DPYSL2: variants seen among roughly 807,000 people sequenced by gnomAD.
The protein encoded by DPYSL2 is dihydropyrimidinase-related protein 2.
A neutral mutation model predicts 69.9 loss-of-function variants in DPYSL2; 13 were observed. The ratio of observed to expected loss-of-function variants is 0.19; its 90% CI spans 0.12 to 0.30. The LOEUF (loss-of-function observed/expected upper bound fraction) is 0.30. Among genes scored for constraint, DPYSL2 ranks in the 10% least tolerant of loss-of-function variants. The pLI, the probability that DPYSL2 is intolerant of heterozygous loss-of-function variation, is 1.00. For synonymous variants in DPYSL2, 326 were observed against 359.1 expected (o/e 0.91, Z 1.04); for missense variants, 587 against 918.9 (o/e 0.64, Z 4.67).
chr8:26,524,835 A>AAAAAAAAAAAAAAAAG (rs1563374151), intron 1 of DPYSL2, among the ~76,000 whole-genome samples: 4 of 74,222 alleles, frequency 5.4e-5, no homozygotes, highest in Non-Finnish European at 8.1e-5. Context: ...AAAAAAAAAA[A>AAAAAAAAAAAAAAAAG]AGAGAGAGAA....
rs569072355 is a variant in DPYSL2, at chr8:26,627,788, G to A, written c.937-84G>A. The A allele has an allele frequency of 1.0e-5, 14 of 1,396,506 alleles. No homozygotes were observed. In the South Asian group the frequency reaches 1.7e-4, roughly 17 times the overall value. 86.5% of individuals were successfully genotyped at this position (1,396,506 alleles called of 1,614,324 possible). On this transcript the variant is annotated intron_variant, in intron 6 of 13. Transcript: ENST00000521913. The surrounding 1 kb of genome is among the most constrained non-coding windows in gnomAD (Gnocchi z 6.9). The stretch of plus-strand genomic sequence containing the variant: ...CAGTGGTAATTTTCCATCTTGCCCG[G>A]ATAACTGCATGCCCGGGCCTCTGCC...
chr8:26,555,746 G>A (rs889833371), intron 1 of DPYSL2, among the ~76,000 whole-genome samples: 1 of 150,792 alleles, frequency 6.6e-6, no homozygotes, highest in African/African-American at 2.4e-5. Flanking sequence ...AATTAGCTTG[G>A]TTGGGGGGCG....
chr8:26,527,803 C>CTT (rs1563375173), intron 1 of DPYSL2, among the ~76,000 whole-genome samples: 1 of 96,670 alleles, frequency 1.0e-5, no homozygotes, highest in Admixed American at 1.4e-4. Flanking sequence ...ATTTGTTTAT[C>CTT]CTTTTTTTTT....
chr8:26,622,448 A>ATG (rs10606826), intron 3 of DPYSL2, among the ~76,000 whole-genome samples: 1,481 of 142,714 alleles, frequency 0.01, 10 homozygotes, highest in Middle Eastern at 0.045. Context: ...GCCATATTGT[A>ATG]TGTGTGTGTG....
At position 26,648,156 on chromosome 8, in the gene DPYSL2, C is replaced by T. The variant is rs1453948559; in HGVS notation, c.1596+356C>T. On this transcript the variant is annotated intron_variant, in intron 11 of 13. Transcript: ENST00000521913. This position sits in a 1 kb window ranked among gnomAD's most constrained non-coding sequence, Gnocchi z 4.3. ...TGGCAGTACTTGGTGCAAGGGACCT[C>T]AATGAAGCAGTGAGATGTCCTCTCC... 2.0e-5 allele frequency among the ~76,000 whole-genome samples: 3 copies of T among 152,138 alleles called. No individual in the cohort carries two copies. Among genetic ancestry groups the T allele is most frequent in the Non-Finnish European group, 4.4e-5 (3 of 68,040 alleles).
In DPYSL2 at chr8:26,556,338, AG is replaced by A. The variant is rs1222459792; in HGVS notation, c.355-25630del. 4.7e-3 allele frequency among the ~76,000 whole-genome samples: 106 copies of A among 22,526 alleles called. 9 individuals carry two copies. The highest frequency in any genetic ancestry group is 0.019 in the East Asian group (3 of 154). 14.8% of individuals were successfully genotyped at this position (22,526 alleles called of 152,430 possible). On this transcript the variant is annotated intron_variant, in intron 1 of 13. Transcript: ENST00000521913. The stretch of plus-strand genomic sequence containing the variant: ...TATACTATATATATAGTATATATAT[AG>A]TATATATATATAGTATATATATATA...
At chr8:26,557,216 A>T (rs1363264623) in intron 1 of DPYSL2, among the ~76,000 whole-genome samples, 2 of 152,182 alleles carry the variant, frequency 1.3e-5, no homozygotes, top group African/African-American at 4.8e-5. Context: ...AAAGTAAAAA[A>T]CTTCTGCTCT....
At chr8:26,569,853 G>A (rs186836719) in intron 1 of DPYSL2, among the ~76,000 whole-genome samples, 2 of 152,230 alleles carry the variant, frequency 1.3e-5, no homozygotes, top group East Asian at 3.9e-4. Flanking sequence ...GGACATCAGT[G>A]TGCTATGGCA....
In DPYSL2 at chr8:26,580,780, A is replaced by G. The variant is rs1409221832; in HGVS notation, c.355-1189A>G. 6.6e-6 allele frequency among the ~76,000 whole-genome samples: 1 copy of G among 152,344 alleles called. No individual in the cohort carries two copies. The highest frequency in any genetic ancestry group is 2.1e-4 in the South Asian group (1 of 4,828). ...AATGTCATTCTTTGAAATGTGTTGC[A>G]TATTAAAAGGGCAATGTATGGTTCA... On this transcript the variant is annotated intron_variant, in intron 1 of 13. Coordinates refer to ENST00000521913, the MANE Select transcript of DPYSL2 (RefSeq NM_001197293.3). This position sits in a 1 kb window ranked among gnomAD's most constrained non-coding sequence, Gnocchi z 4.1.
Position 26,516,850 on chromosome 8 carries a change from A to G in DPYSL2, c.354+2171A>G, listed in dbSNP as rs1808298125. 6.6e-6 allele frequency among the ~76,000 whole-genome samples: 1 copy of G among 152,134 alleles called. No individual in the cohort carries two copies. Among genetic ancestry groups the G allele is most frequent in the Non-Finnish European group, 1.5e-5 (1 of 68,032 alleles). Reference sequence around the variant, plus strand: ...TTCACGACTAAGAGCATTTACCTGGATCAGTACTTGCAATGTTTCAATATT... The same window carrying G: ...TTCACGACTAAGAGCATTTACCTGGGTCAGTACTTGCAATGTTTCAATATT... On this transcript the variant is annotated intron_variant, in intron 1 of 13. Transcript: ENST00000521913. This position sits in a 1 kb window ranked among gnomAD's most constrained non-coding sequence, Gnocchi z 4.8.
intron 1 of DPYSL2, among the ~76,000 whole-genome samples, chr8:26,535,635 A>ATTTTTT (rs1011684866): frequency 1.0e-4 from 15 of 145,872 alleles, no homozygotes; most frequent in Admixed American, 4.1e-4. Context: ...ATATATATAT[A>ATTTTTT]TTTTTTTTTT....
At chr8:26,528,582 G>A (rs894715614) in intron 1 of DPYSL2, among the ~76,000 whole-genome samples, 1 of 151,660 alleles carries the variant, frequency 6.6e-6, no homozygotes, top group African/African-American at 2.4e-5. Flanking sequence ...GGTGGGTGGA[G>A]GTTGCAGTGA....
chr8:26,637,427 A>C (rs761542232), intron 8 of DPYSL2: 1 of 152,338 alleles, frequency 6.6e-6, no homozygotes, highest in South Asian at 2.1e-4. Context: ...CTCAGAGCTC[A>C]TGTATAGTGG....
In DPYSL2 at chr8:26,514,416, C is replaced by T; in HGVS notation, c.91C>T (p.Arg31Trp). The T allele has an allele frequency of 6.6e-7, 1 of 1,518,060 alleles. No individual in the cohort carries two copies. Among genetic ancestry groups the T allele is most frequent in the East Asian group, 2.6e-5 (1 of 38,678 alleles). The allele number at this position is 1,518,060 out of a possible 1,614,324, so 94.0% of individuals were successfully genotyped here. Residue 31 changes from arginine to tryptophan, a missense_variant, in exon 1 of 14, where the codon CGG becomes TGG. By Grantham distance (101) the Arg-to-Trp change is moderately radical (BLOSUM62 -3). Coordinates refer to ENST00000521913, the MANE Select transcript of DPYSL2 (RefSeq NM_001197293.3). This position sits in a 1 kb window ranked among gnomAD's most constrained non-coding sequence, Gnocchi z 8.4. ...KNLGSGSPKP[R>W]QKFCGMFCPV... ...CCTGGGCTCCGGCAGCCCCAAGCCC[C>T]GGCAGAAATTCTGTGGCATGTTCTG...
At chr8:26,556,341 A>ATATATATAG (rs1563385443) in intron 1 of DPYSL2, among the ~76,000 whole-genome samples, 9 of 9,146 alleles carry the variant, frequency 9.8e-4, no homozygotes, top group African/African-American at 1.3e-3. Context: ...TATATATAGT[A>ATATATATAG]TATATATATA....
chr8:26,540,722 A>C (rs888371449), intron 1 of DPYSL2, among the ~76,000 whole-genome samples: 1 of 152,154 alleles, frequency 6.6e-6, no homozygotes, highest in South Asian at 2.1e-4. Flanking sequence ...CCTGGCTAAC[A>C]TGGTGAAATC....
At position 26,582,658 on chromosome 8, in the gene DPYSL2, G is replaced by A. The variant is rs139000480; in HGVS notation, c.443+601G>A. Among the ~76,000 whole-genome samples, 5 of 152,256 alleles carry A rather than the reference G, an allele frequency of 3.3e-5. No homozygotes were observed. Among genetic ancestry groups the A allele is most frequent in the African/African-American group, 1.2e-4 (5 of 41,544 alleles). ...AGCAACAGGGCAGTTCCTGAGTTTG[G>A]GTATTTTTGGACGCCAGAGGGTTAA... On this transcript the variant is annotated intron_variant, in intron 2 of 13. Transcript: ENST00000521913. The surrounding 1 kb of genome is among the most constrained non-coding windows in gnomAD (Gnocchi z 4.1).
rs543936221 is a variant in DPYSL2, at chr8:26,614,959, C to T, written c.629-9184C>T. On this transcript the variant is annotated intron_variant, in intron 3 of 13. Coordinates refer to ENST00000521913, the MANE Select transcript of DPYSL2 (RefSeq NM_001197293.3). The surrounding 1 kb of genome is among the most constrained non-coding windows in gnomAD (Gnocchi z 4.9). ...GCCCTCTTGCTCTCTTTTGATCACACGTTCTGGGGTCAGATTCCAGCTCTG... is the reference window on the plus strand; with the variant it reads ...GCCCTCTTGCTCTCTTTTGATCACATGTTCTGGGGTCAGATTCCAGCTCTG... 3.9e-5 allele frequency among the ~76,000 whole-genome samples: 6 copies of T among 152,200 alleles called. No individual in the cohort carries two copies. Among genetic ancestry groups the T allele is most frequent in the Admixed American group, 6.5e-5 (1 of 15,278 alleles).
intron 3 of DPYSL2, among the ~76,000 whole-genome samples, chr8:26,604,760 C>T (rs1428464021): frequency 6.6e-6 from 1 of 151,942 alleles, no homozygotes; most frequent in Non-Finnish European, 1.5e-5. Flanking sequence ...CTCCGGGGTT[C>T]AAGTGATTCT....
Sources: gnomAD v4.1 joint callset for allele counts (sites outside exome capture counted in the v4.1 genomes callset) on GRCh38, gnomAD v4.1.1 for gene constraint, Gnocchi (gnomAD v3.1) non-coding constraint, MANE v1.5 for transcripts, NCBI Gene and HGNC (gene_info 2026-07-23, HGNC 2026-07-21) for gene names.